Variants in CCDC141 observed in about 807,000 individuals in gnomAD.
The protein encoded by CCDC141 is coiled-coil domain-containing protein 141.
A neutral mutation model predicts 181.0 loss-of-function variants in CCDC141; 168 were observed. The ratio of observed to expected loss-of-function variants is 0.93; its 90% CI spans 0.82 to 1.05. The LOEUF (loss-of-function observed/expected upper bound fraction) is 1.05, where lower values mean the gene tolerates loss of function less well. Ranked by LOEUF, CCDC141 falls within the 50% of genes least tolerant of loss-of-function variation. The pLI is 0.00. For synonymous variants in CCDC141, 666 were observed against 642.3 expected (o/e 1.04, Z -0.56); for missense variants, 1,902 against 1,788.5 (o/e 1.06, Z -1.14).
chr2:179,050,122 T>TGAGAGAGAAAGGAGCGAAC lies in CCDC141; in HGVS notation c.-182_-181insGTTCGCTCCTTTCTCTCTC, dbSNP rs1167734186. The TGAGAGAGAAAGGAGCGAAC allele has an allele frequency of 1.4e-5, 13 of 911,812 alleles. No individual in the cohort carries two copies. The highest frequency in any genetic ancestry group is 1.9e-5 in the Non-Finnish European group (12 of 641,630). 56.5% of individuals were successfully genotyped at this position (911,812 alleles called of 1,614,324 possible). On this transcript the variant is annotated 5_prime_UTR_variant, in exon 1 of 24. Transcript: ENST00000443758. ...ATAGACAACCCCATTGAGTTTATCG[T>TGAGAGAGAAAGGAGCGAAC]GAGAGAGAAAGGAGCGAACGAGAGA...
In CCDC141 at chr2:178,961,100, T is replaced by C. The variant is rs573309586; in HGVS notation, c.780+130A>G. On this transcript the variant is annotated intron_variant, in intron 5 of 23. Transcript: ENST00000443758. ...GGGAAAAACAACATGGTAGTTTGGA[T>C]GAAAGCTTTTTGGACCAAAGACCAA... 22 of 954,486 alleles carry C rather than the reference T, an allele frequency of 2.3e-5. No homozygotes were observed. In the African/African-American group the frequency reaches 3.6e-4, roughly 16 times the overall value. 59.1% of individuals were successfully genotyped at this position (954,486 alleles called of 1,614,324 possible). A position where few individuals can be genotyped will look rare whatever the true frequency, so the allele number is the denominator to read the frequency against.
At chr2:178,922,238 A>G (rs1688724452) in intron 6 of CCDC141, among the ~76,000 whole-genome samples, 2 of 152,166 alleles carry the variant, frequency 1.3e-5, no homozygotes, top group Non-Finnish European at 2.9e-5. Flanking sequence ...AATTTTTATC[A>G]TATCCTTATG....
At chr2:178,871,116 C>G (rs935133233) in intron 14 of CCDC141, among the ~76,000 whole-genome samples, 1 of 151,738 alleles carries the variant, frequency 6.6e-6, no homozygotes. Flanking sequence ...TCTGCACTCC[C>G]AAGGAAAAGA....
At chr2:178,921,526 A>C (rs1688686900) in intron 6 of CCDC141, among the ~76,000 whole-genome samples, 1 of 152,156 alleles carries the variant, frequency 6.6e-6, no homozygotes, top group Non-Finnish European at 1.5e-5. Context: ...GAAACAAAGT[A>C]AAACAGGTTT....
chr2:178,972,984 C>G (rs1448825876), intron 4 of CCDC141, among the ~76,000 whole-genome samples: 5 of 152,150 alleles, frequency 3.3e-5, no homozygotes, highest in Non-Finnish European at 5.9e-5. Flanking sequence ...CTTTTGTCAT[C>G]CTAACACTCA....
At chr2:179,037,427 A>C (rs1202893695) in intron 2 of CCDC141, among the ~76,000 whole-genome samples, 1 of 152,204 alleles carries the variant, frequency 6.6e-6, no homozygotes, top group Non-Finnish European at 1.5e-5. Context: ...CTCTTCTAAC[A>C]CTGTCTGAAA....
At chr2:178,904,349 T>C (rs1687858534) in intron 8 of CCDC141, among the ~76,000 whole-genome samples, 1 of 152,184 alleles carries the variant, frequency 6.6e-6, no homozygotes, top group African/African-American at 2.4e-5. Context: ...AACCCTGGGT[T>C]AAATACCCCT....
chr2:178,869,227 A>C lies in CCDC141; in HGVS notation c.2284T>G (p.Ser762Ala), dbSNP rs1433359293. Residue 762 changes from serine (S) to alanine (A), a missense_variant, in exon 15 of 24, where the codon TCT becomes GCT. Ser to Ala is a moderately conservative substitution (Grantham distance 99). Transcript: ENST00000443758. ...TGRGAPVKEK[S>A]QQLKDLIHFH... ...TGAATAAGGTCCTTCAGTTGTTGAG[A>C]CTTTTCTTTTACAGGGGCTCCTCTG... 6.8e-6 allele frequency: 11 copies of C among 1,613,488 alleles called. No homozygotes were observed. Among genetic ancestry groups the C allele is most frequent in the Non-Finnish European group, 9.3e-6 (11 of 1,179,724 alleles).
In CCDC141 at chr2:178,831,132, G is replaced by A. The variant is rs902772055; in HGVS notation, c.*3041C>T. On this transcript the variant is annotated 3_prime_UTR_variant, in exon 24 of 24. Coordinates refer to ENST00000443758, the MANE Select transcript of CCDC141 (RefSeq NM_173648.4). ...ATAGCTAAAAAATTTTCTGCATCTT[G>A]TTCAAATATTTTAAATATCATAGAA... is the stretch of plus-strand genomic sequence containing the variant. 2 of 152,056 alleles carry A rather than the reference G, an allele frequency of 1.3e-5. No individual in the cohort carries two copies. The highest frequency in any genetic ancestry group is 1.3e-4 in the Admixed American group (2 of 15,256). 9.4% of individuals were successfully genotyped at this position (152,056 alleles called of 1,614,324 possible). A position where few individuals can be genotyped will look rare whatever the true frequency, so the allele number is the denominator to read the frequency against.
intron 5 of CCDC141, among the ~76,000 whole-genome samples, chr2:178,957,196 G>A (rs567919920): frequency 6.6e-6 from 1 of 152,236 alleles, no homozygotes; most frequent in South Asian, 2.1e-4. Context: ...TAAGTTGTAA[G>A]GTTTAATCAC....
At chr2:178,944,009 A>G (rs1689627978) in intron 6 of CCDC141, among the ~76,000 whole-genome samples, 1 of 152,188 alleles carries the variant, frequency 6.6e-6, no homozygotes, top group South Asian at 2.1e-4. Flanking sequence ...GGAAGTCATA[A>G]AAGTGATGAC....
intron 2 of CCDC141, among the ~76,000 whole-genome samples, chr2:178,989,597 A>T (rs1176947370): frequency 2.4e-4 from 10 of 41,472 alleles, no homozygotes; most frequent in Admixed American, 1.4e-3. Context: ...CTGCCTCAAA[A>T]AAAAAAAAAA....
At chr2:178,953,582 T>C (rs1242018934) in intron 5 of CCDC141, among the ~76,000 whole-genome samples, 1 of 152,190 alleles carries the variant, frequency 6.6e-6, no homozygotes, top group Non-Finnish European at 1.5e-5. Flanking sequence ...ATCATTACAA[T>C]CATGGGACCA....
intron 2 of CCDC141, among the ~76,000 whole-genome samples, chr2:179,011,660 C>T (rs183138656): frequency 1.6e-4 from 24 of 152,146 alleles, no homozygotes; most frequent in Admixed American, 3.9e-4. Context: ...ATCCAACAAC[C>T]ACAGAATACA....
intron 2 of CCDC141, among the ~76,000 whole-genome samples, chr2:179,005,505 T>G (rs2042099564): frequency 6.6e-6 from 1 of 152,192 alleles, no homozygotes; most frequent in Non-Finnish European, 1.5e-5. Flanking sequence ...AACATTGTAA[T>G]GAACAAGCAT....
intron 2 of CCDC141, among the ~76,000 whole-genome samples, chr2:179,019,371 T>C (rs1170396525): frequency 6.6e-6 from 1 of 152,170 alleles, no homozygotes; most frequent in Non-Finnish European, 1.5e-5. Flanking sequence ...TGCAGAACAC[T>C]AATGATGAGA....
chr2:178,941,619 A>G (rs961719135), intron 6 of CCDC141, among the ~76,000 whole-genome samples: 6 of 152,010 alleles, frequency 3.9e-5, no homozygotes, highest in Admixed American at 2.0e-4. Context: ...ATAAATAAAT[A>G]AAAAAAGAAA....
chr2:178,850,898 G>A (rs931674506), intron 20 of CCDC141, among the ~76,000 whole-genome samples: 1 of 152,140 alleles, frequency 6.6e-6, no homozygotes, highest in African/African-American at 2.4e-5. Flanking sequence ...TACAAATGAG[G>A]AATGTGATGC....
chr2:178,823,620 T>C, the CCDC141 span, among the ~76,000 whole-genome samples: 2 of 152,322 alleles, frequency 1.3e-5, no homozygotes, highest in South Asian at 2.1e-4. Context: ...CTAAGATTTA[T>C]GATGTTATGA....
Sources: gnomAD v4.1 joint callset for allele counts (sites outside exome capture counted in the v4.1 genomes callset) on GRCh38, gnomAD v4.1.1 for gene constraint, MANE v1.5 for transcripts, NCBI Gene and HGNC (gene_info 2026-07-23, HGNC 2026-07-21) for gene names.